Variants in BLTP1 observed in about 807,000 individuals in gnomAD.
BLTP1 encodes the protein fragile site-associated protein.
the BLTP1 span, chr4:122,236,918 C>G: frequency 1.0e-6 from 1 of 985,114 alleles, no homozygotes; most frequent in Non-Finnish European, 1.2e-6. Flanking sequence ...TTGAGTCTTC[C>G]AGGAATGGAG....
chr4:122,186,869 A>T, the BLTP1 span: 2 of 214,020 alleles, frequency 9.3e-6, no homozygotes, highest in Admixed American at 6.5e-5. Flanking sequence ...TTGCTGTGAA[A>T]TTTTGATTTC....
chr4:122,244,616 A>G, the BLTP1 span: 6 of 980,296 alleles, frequency 6.1e-6, no homozygotes, highest in Non-Finnish European at 7.3e-6. Flanking sequence ...GTGGTGTAGA[A>G]GCGGTTGGGA....
the BLTP1 span, chr4:122,214,627 T>C: frequency 1.6e-6 from 1 of 621,534 alleles, no homozygotes; most frequent in Non-Finnish European, 2.0e-6. Context: ...TTTTTTTTTT[T>C]TTTTTTTTTT....
chr4:122,322,901 G>GT, the BLTP1 span, among the ~76,000 whole-genome samples: 5 of 152,202 alleles, frequency 3.3e-5, no homozygotes, highest in South Asian at 8.3e-4. Context: ...TACTCTTAGT[G>GT]TTTTTTCAAA....
chr4:122,257,388 C>T, the BLTP1 span: 1 of 1,614,030 alleles, frequency 6.2e-7, no homozygotes, highest in Non-Finnish European at 8.5e-7. Context: ...CCTCTGAAAC[C>T]TCAAATAGCT....
chr4:122,362,180 T>A, the BLTP1 span: 33 of 1,613,418 alleles, frequency 2.0e-5, no homozygotes, highest in Non-Finnish European at 2.8e-5. Context: ...TCAGTTCTTA[T>A]CAAAAAGCTC....
chr4:122,307,830 G>C, the BLTP1 span: 1 of 1,501,686 alleles, frequency 6.7e-7, no homozygotes, highest in Non-Finnish European at 8.8e-7. Context: ...TAATGCTACA[G>C]TTTTCTGGGT....
At chr4:122,215,433 T>C in the BLTP1 span, 1 of 985,432 alleles carries the variant, frequency 1.0e-6, no homozygotes, top group Non-Finnish European at 1.2e-6. Context: ...GTTTTGTTGG[T>C]ACATGTTAGT....
At chr4:122,250,690 A>G in the BLTP1 span, 1 of 1,014,254 alleles carries the variant, frequency 9.9e-7, no homozygotes, top group Non-Finnish European at 1.4e-6. Context: ...CCTATTTTGG[A>G]TTTATGATAT....
the BLTP1 span, chr4:122,309,280 A>C: frequency 1.2e-6 from 2 of 1,612,114 alleles, no homozygotes; most frequent in Non-Finnish European, 8.5e-7. Flanking sequence ...ATCATACTGG[A>C]GACCTTGACA....
chr4:122,250,184 G>A, the BLTP1 span: 4 of 338,800 alleles, frequency 1.2e-5, no homozygotes, highest in South Asian at 4.8e-4. Flanking sequence ...AATAATAGTA[G>A]TTGTATATGC....
the BLTP1 span, chr4:122,262,965 A>G: frequency 6.2e-7 from 1 of 1,613,794 alleles, no homozygotes; most frequent in Non-Finnish European, 8.5e-7. Context: ...TGTGAAAAGT[A>G]GCTCCCTAAC....
At chr4:122,166,856 C>T in the BLTP1 span, among the ~76,000 whole-genome samples, 1 of 152,210 alleles carries the variant, frequency 6.6e-6, no homozygotes, top group African/African-American at 2.4e-5. Flanking sequence ...GGAGTTCACT[C>T]ATGATTTGGC....
chr4:122,261,989 T>A, the BLTP1 span: 1 of 985,310 alleles, frequency 1.0e-6, no homozygotes, highest in African/African-American at 1.7e-5. Context: ...CATTTCTTGC[T>A]ATTAGCAAAA....
chr4:122,254,222 A>G, the BLTP1 span: 1 of 1,612,610 alleles, frequency 6.2e-7, no homozygotes. Context: ...TGATGATTTG[A>G]AAAAAGATCT....
the BLTP1 span, among the ~76,000 whole-genome samples, chr4:122,292,032 G>A: frequency 3.4e-5 from 5 of 147,000 alleles, no homozygotes; most frequent in South Asian, 2.2e-4. Context: ...GTGCAATGGC[G>A]CGATCTCAGC....
the BLTP1 span, chr4:122,249,606 A>G: frequency 6.2e-7 from 1 of 1,613,676 alleles, no homozygotes; most frequent in Admixed American, 1.7e-5. Context: ...TTCCAGATGT[A>G]ACTCGAATAG....
At chr4:122,252,937 G>A in the BLTP1 span, among the ~76,000 whole-genome samples, 1 of 152,330 alleles carries the variant, frequency 6.6e-6, no homozygotes, top group South Asian at 2.1e-4. Context: ...ACCAGCTCCA[G>A]GAAGCTCAGC....
the BLTP1 span, chr4:122,325,624 C>T: frequency 3.6e-6 from 4 of 1,109,564 alleles, no homozygotes; most frequent in African/African-American, 6.6e-5. Context: ...CCATATTAAA[C>T]TACATCTTAC....
Sources: gnomAD v4.1 joint callset for allele counts (sites outside exome capture counted in the v4.1 genomes callset) on GRCh38, gnomAD v4.1.1 for gene constraint, MANE v1.5 for transcripts, NCBI Gene and HGNC (gene_info 2026-07-23, HGNC 2026-07-21) for gene names.